The following AGAP1 variants were observed in gnomAD, a reference collection of about 807,000 sequenced individuals.
AGAP1 encodes the protein ArfGAP with GTPase domain, ankyrin repeat and PH domain 1.
A neutral mutation model predicts 105.3 loss-of-function variants in AGAP1; 29 were observed. That is an observed-to-expected ratio of 0.28 (90% CI 0.21 to 0.38). AGAP1 has a LOEUF of 0.38. Ranked by LOEUF, AGAP1 falls within the 10% of genes least tolerant of loss-of-function variation. The probability of loss-of-function intolerance (pLI) is 1.00; values close to 1 mark genes in which losing one functional copy is unlikely to be tolerated. For missense variants in AGAP1, 998 were observed against 1,165.1 expected, an observed-to-expected ratio of 0.86 and a Z score of 2.09; for synonymous variants, 509 against 485.9, an observed-to-expected ratio of 1.05 and a Z score of -0.63.
Position 235,887,667 on chromosome 2 carries a change from GA to G in AGAP1, c.1155+4226del, listed in dbSNP as rs1005522364. On this transcript the variant is annotated intron_variant, in intron 10 of 17. Coordinates refer to ENST00000304032, the MANE Select transcript of AGAP1 (RefSeq NM_001037131.3). The surrounding 1 kb of genome is among the most constrained non-coding windows in gnomAD (Gnocchi z 4.1). ...GCCCGTTCTTTTCCACAGAGCCCAG[GA>G]AAAAAAATCCCGGCCAAACCATCAG... Among the ~76,000 whole-genome samples, 10 of 151,982 alleles carry G rather than the reference GA, an allele frequency of 6.6e-5. No homozygotes were observed. Among genetic ancestry groups the G allele is most frequent in the African/African-American group, 2.2e-4 (9 of 41,478 alleles).
chr2:235,838,923 A>T (rs1462668331), intron 9 of AGAP1, among the ~76,000 whole-genome samples: 1 of 152,232 alleles, frequency 6.6e-6, no homozygotes, highest in African/African-American at 2.4e-5. Flanking sequence ...TCCAGTGCCT[A>T]AGACTTTCTG....
chr2:235,776,949 G>A (rs1273240068), intron 6 of AGAP1: 5 of 471,154 alleles, frequency 1.1e-5, no homozygotes, highest in Middle Eastern at 3.3e-4. Flanking sequence ...AGCTGGGGCC[G>A]TGCTCACCTT....
At chr2:235,859,496 G>A (rs1034142668) in intron 9 of AGAP1, among the ~76,000 whole-genome samples, 5 of 144,516 alleles carry the variant, frequency 3.5e-5, no homozygotes, top group Non-Finnish European at 6.0e-5. Context: ...AGATAGGAAC[G>A]ACTAATTGGT....
Position 236,056,572 on chromosome 2 carries a change from G to A in AGAP1, c.2114+7291G>A, listed in dbSNP as rs528773925. Among the ~76,000 whole-genome samples the A allele has an allele frequency of 9.2e-5, 14 of 152,238 alleles. No individual in the cohort carries two copies. In the South Asian group the frequency reaches 2.9e-3, roughly 32 times the overall value. ...TTTAGGCTTGAATTATATAACATGG[G>A]CCAATAAATATGGCCTCTATTTTGA... On this transcript the variant is annotated intron_variant, in intron 16 of 17. Transcript: ENST00000304032. The surrounding 1 kb of genome is among the most constrained non-coding windows in gnomAD (Gnocchi z 4.6).
chr2:235,922,372 C>G (rs1350838209), intron 11 of AGAP1, among the ~76,000 whole-genome samples: 1 of 152,164 alleles, frequency 6.6e-6, no homozygotes, highest in East Asian at 1.9e-4. Flanking sequence ...TTTTCCCCGC[C>G]CTCTTTCTAT....
In AGAP1 at chr2:235,671,017, C is replaced by G. The variant is rs1176917719; in HGVS notation, c.164-38162C>G. 15 of 1,321,906 alleles carry G rather than the reference C, an allele frequency of 1.1e-5. No homozygotes were observed. In the South Asian group the frequency reaches 3.0e-4, roughly 26 times the overall value. 81.9% of individuals were successfully genotyped at this position (1,321,906 alleles called of 1,614,324 possible). A position where few individuals can be genotyped will look rare whatever the true frequency, so the allele number is the denominator to read the frequency against. ...TGCGGCGGGCCCCGGCCGAAGCGCA[C>G]TCGTCCAGCGCCGAGAGCATCGACG... On this transcript the variant is annotated intron_variant, in intron 1 of 17. Transcript: ENST00000304032.
At chr2:236,102,215 A>G (rs1055550311) in intron 16 of AGAP1, among the ~76,000 whole-genome samples, 1 of 152,128 alleles carries the variant, frequency 6.6e-6, no homozygotes, top group African/African-American at 2.4e-5. Flanking sequence ...CAGGAGATCG[A>G]GACCATCCTG....
intron 9 of AGAP1, among the ~76,000 whole-genome samples, chr2:235,835,647 A>G (rs559611636): frequency 1.3e-4 from 20 of 152,370 alleles, no homozygotes; most frequent in African/African-American, 4.1e-4. Context: ...CTCCATGGAC[A>G]CTGAGTTCCT....
chr2:236,067,538 G>C (rs1351146268), intron 16 of AGAP1, among the ~76,000 whole-genome samples: 1 of 152,178 alleles, frequency 6.6e-6, no homozygotes, highest in Non-Finnish European at 1.5e-5. Context: ...GAAATGCCTA[G>C]TATTGAGCTA....
In AGAP1 at chr2:236,046,734, C is replaced by T. The variant is rs1434748272; in HGVS notation, c.1892-2325C>T. Among the ~76,000 whole-genome samples, 1 of 152,158 alleles carries T rather than the reference C, an allele frequency of 6.6e-6. No individual in the cohort carries two copies. Among genetic ancestry groups the T allele is most frequent in the Non-Finnish European group, 1.5e-5 (1 of 68,032 alleles). Reference sequence around the variant, plus strand: ...TACACAGTCAGAAGAGATGACCCCACAGGAGCCCTGAGGTCAGGGAGGAAG... The same window carrying T: ...TACACAGTCAGAAGAGATGACCCCATAGGAGCCCTGAGGTCAGGGAGGAAG... On this transcript the variant is annotated intron_variant, in intron 15 of 17. Coordinates refer to ENST00000304032, the MANE Select transcript of AGAP1 (RefSeq NM_001037131.3). This position sits in a 1 kb window ranked among gnomAD's most constrained non-coding sequence, Gnocchi z 5.2.
intron 13 of AGAP1, among the ~76,000 whole-genome samples, chr2:235,990,583 T>G (rs1052994178): frequency 6.6e-6 from 1 of 152,116 alleles, no homozygotes; most frequent in Non-Finnish European, 1.5e-5. Context: ...GGTGGCTGGG[T>G]TCCAAGGGCA....
rs6758439 is a variant in AGAP1 at position 235,970,733 on chromosome 2, G to A, written c.1645+2110G>A. Among the ~76,000 whole-genome samples the A allele has an allele frequency of 0.14, 21,113 of 152,228 alleles. 3,926 individuals carry two copies. The highest frequency in any genetic ancestry group is 0.43 in the African/African-American group (17,723 of 41,474). ...AAATCAGTAGCGTTTCTGCACATTT[G>A]ATGGAGCAGCTGGCACCACCCAGTG... On this transcript the variant is annotated intron_variant, in intron 13 of 17. Transcript: ENST00000304032. The surrounding 1 kb of genome is among the most constrained non-coding windows in gnomAD (Gnocchi z 5.4).
chr2:236,101,626 G>A lies in AGAP1; in HGVS notation c.2115-18566G>A, dbSNP rs931982408. ...ACATCCACTTTACGGGATCCGGAGCGGAGGAAAAGGGCCATTTCTCTTCCC... is the reference window on the plus strand; with the variant it reads ...ACATCCACTTTACGGGATCCGGAGCAGAGGAAAAGGGCCATTTCTCTTCCC... On this transcript the variant is annotated intron_variant, in intron 16 of 17. Transcript: ENST00000304032. This position sits in a 1 kb window ranked among gnomAD's most constrained non-coding sequence, Gnocchi z 4.9. Among the ~76,000 whole-genome samples the A allele has an allele frequency of 1.6e-4, 24 of 152,190 alleles. No homozygotes were observed. The highest frequency in any genetic ancestry group is 4.3e-4 in the African/African-American group (18 of 41,448).
rs113375120 is a variant in AGAP1 at position 236,063,054 on chromosome 2, C to T, written c.2114+13773C>T. On this transcript the variant is annotated intron_variant, in intron 16 of 17. Coordinates refer to ENST00000304032, the MANE Select transcript of AGAP1 (RefSeq NM_001037131.3). The stretch of plus-strand genomic sequence containing the variant: ...CCTCCTGCCTTGGCCTCCCAAAGCG[C>T]TGGGATTACAGGGGTGAGGCACTGC... Among the ~76,000 whole-genome samples, 1,421 of 152,278 alleles carry T rather than the reference C, an allele frequency of 9.3e-3. 21 individuals carry two copies. Among genetic ancestry groups the T allele is most frequent in the African/African-American group, 0.032 (1,316 of 41,540 alleles).
At position 236,119,574 on chromosome 2, in the gene AGAP1, T is replaced by G; in HGVS notation, c.2115-618T>G. Among the ~76,000 whole-genome samples the G allele has an allele frequency of 7.3e-6, 1 of 136,334 alleles. No homozygotes were observed. Among genetic ancestry groups the G allele is most frequent in the African/African-American group, 2.7e-5 (1 of 37,550 alleles). 89.4% of individuals were successfully genotyped at this position (136,334 alleles called of 152,430 possible). A position where few individuals can be genotyped will look rare whatever the true frequency, so the allele number is the denominator to read the frequency against. On this transcript the variant is annotated intron_variant, in intron 16 of 17. Coordinates refer to ENST00000304032, the MANE Select transcript of AGAP1 (RefSeq NM_001037131.3). This position sits in a 1 kb window ranked among gnomAD's most constrained non-coding sequence, Gnocchi z 6.6. ...TGTGGGGAGCGCACCGGCTGTCCCT[T>G]CCCCCCACCCCCGGCCCAGCTCCAG...
At position 235,989,133 on chromosome 2, in the gene AGAP1, A is replaced by G. The variant is rs1163067508; in HGVS notation, c.1645+20510A>G. Among the ~76,000 whole-genome samples the G allele has an allele frequency of 6.6e-6, 1 of 152,160 alleles. No homozygotes were observed. Among genetic ancestry groups the G allele is most frequent in the Non-Finnish European group, 1.5e-5 (1 of 68,030 alleles). ...GAAGATGATGATGATGGTTGTTGTT[A>G]TTTAAAACTGCAAGACGTAGGCAAT... On this transcript the variant is annotated intron_variant, in intron 13 of 17. Coordinates refer to ENST00000304032, the MANE Select transcript of AGAP1 (RefSeq NM_001037131.3). The surrounding 1 kb of genome is among the most constrained non-coding windows in gnomAD (Gnocchi z 4.4).
intron 1 of AGAP1, among the ~76,000 whole-genome samples, chr2:235,542,428 T>C (rs1943476819): frequency 6.6e-6 from 1 of 152,204 alleles, no homozygotes; most frequent in Non-Finnish European, 1.5e-5. Context: ...GCGCCATCTC[T>C]ACCGGATCAA....
At chr2:235,583,284 C>T (rs1271031012) in intron 1 of AGAP1, among the ~76,000 whole-genome samples, 1 of 151,910 alleles carries the variant, frequency 6.6e-6, no homozygotes, top group Non-Finnish European at 1.5e-5. Flanking sequence ...CGGCCTTGAA[C>T]CTTGGTCTTA....
chr2:236,098,144 G>C (rs990267002), intron 16 of AGAP1, among the ~76,000 whole-genome samples: 6 of 152,102 alleles, frequency 3.9e-5, no homozygotes, highest in African/African-American at 1.4e-4. Context: ...TGCTGTGAAC[G>C]TGGACATACA....
Sources: gnomAD v4.1 joint callset for allele counts (sites outside exome capture counted in the v4.1 genomes callset) on GRCh38, gnomAD v4.1.1 for gene constraint, Gnocchi (gnomAD v3.1) non-coding constraint, MANE v1.5 for transcripts, NCBI Gene and HGNC (gene_info 2026-07-23, HGNC 2026-07-21) for gene names.